The following ZRANB3 variants were observed in gnomAD, a reference collection of about 807,000 sequenced individuals.
ZRANB3 encodes zinc finger RANBP2-type containing 3, also known as DNA annealing helicase and endonuclease ZRANB3.
Under a neutral mutation model 133.8 loss-of-function variants are expected in ZRANB3, and 125 were observed. That is an observed-to-expected ratio of 0.93 (90% CI 0.81 to 1.08). The LOEUF is 1.08. Among genes scored for constraint, ZRANB3 ranks in the 50% least tolerant of loss-of-function variants. The pLI is 0.00. For synonymous variants in ZRANB3, 387 were observed against 432.7 expected (o/e 0.89, Z 1.31); for missense variants, 1,229 against 1,275.5 (o/e 0.96, Z 0.56).
intron 2 of ZRANB3, among the ~76,000 whole-genome samples, chr2:135,480,100 A>AT (rs371237620): frequency 0.048 from 6,780 of 141,484 alleles, 489 homozygotes; most frequent in African/African-American, 0.16. Context: ...TGTCAGGCTA[A>AT]TTTTTTTTTT....
At position 135,252,033 on chromosome 2, in the gene ZRANB3, C is replaced by CA. The variant is rs561312139; in HGVS notation, c.1539+13500dup. ...CTGGCGACAGAGCAGGATTCCGTCT[C>CA]AAAAAAACAAAAGAAACAAACAAAC... On this transcript the variant is annotated intron_variant, in intron 12 of 20. Transcript: ENST00000264159. 1.2e-4 allele frequency among the ~76,000 whole-genome samples: 19 copies of CA among 152,052 alleles called. No homozygotes were observed. The South Asian group carries it at 3.3e-3, about 27-fold the overall frequency.
At chr2:135,490,182 T>C (rs1040838508) in intron 2 of ZRANB3, among the ~76,000 whole-genome samples, 5 of 152,196 alleles carry the variant, frequency 3.3e-5, no homozygotes, top group African/African-American at 1.2e-4. Flanking sequence ...GAGGAATTTC[T>C]TACCCCACAG....
At chr2:135,461,265 C>T (rs1393690690) in intron 2 of ZRANB3, among the ~76,000 whole-genome samples, 11 of 152,084 alleles carry the variant, frequency 7.2e-5, no homozygotes, top group Admixed American at 7.2e-4. Flanking sequence ...AAGTGATAAA[C>T]AACATGCCTT....
chr2:135,395,827 T>A (rs1252742241), intron 2 of ZRANB3, among the ~76,000 whole-genome samples: 2 of 151,960 alleles, frequency 1.3e-5, no homozygotes, highest in African/African-American at 4.8e-5. Context: ...TGGGATCACA[T>A]CAAGTTAAAA....
chr2:135,399,927 G>T (rs993054665), intron 2 of ZRANB3, among the ~76,000 whole-genome samples: 1 of 152,074 alleles, frequency 6.6e-6, no homozygotes, highest in Non-Finnish European at 1.5e-5. Context: ...CTGAACTTAG[G>T]ACTTTGAATT....
At chr2:135,513,668 A>C (rs1693573971) in intron 1 of ZRANB3, among the ~76,000 whole-genome samples, 1 of 152,180 alleles carries the variant, frequency 6.6e-6, no homozygotes, top group Admixed American at 6.5e-5. Context: ...TTAGACAACA[A>C]CACTAAAAGC....
chr2:135,230,928 C>A lies in ZRANB3; in HGVS notation c.1540-1G>T. Reference sequence around the variant, plus strand: ...TATCATGCTGTTTTTCTTTTTCGAACTAGGAAAAGCAAACAGTAGTTATCA... The same window carrying A: ...TATCATGCTGTTTTTCTTTTTCGAAATAGGAAAAGCAAACAGTAGTTATCA... On this transcript the variant is annotated splice_acceptor_variant, in intron 12 of 20. Transcript: ENST00000264159. LOFTEE classifies it high-confidence loss of function. The A allele has an allele frequency of 6.5e-7, 1 of 1,538,030 alleles. No individual in the cohort carries two copies. The highest frequency in any genetic ancestry group is 8.7e-7 in the Non-Finnish European group (1 of 1,145,542).
At chr2:135,338,593 T>TA (rs1199647349) in intron 6 of ZRANB3, among the ~76,000 whole-genome samples, 1 of 152,218 alleles carries the variant, frequency 6.6e-6, no homozygotes. Context: ...ATATACATTT[T>TA]AAAAAATACA....
In ZRANB3 at chr2:135,383,123, G is replaced by A. The variant is rs186628860; in HGVS notation, c.180+7679C>T. 3.4e-4 allele frequency among the ~76,000 whole-genome samples: 51 copies of A among 152,162 alleles called. 1 individual carries two copies. In the East Asian group the frequency reaches 8.3e-3, roughly 25 times the overall value. ...CCATCTCAGTGCAGAGACTCACATA[G>A]GCTCAAAATAAAGGGATGGAGGAAG... On this transcript the variant is annotated intron_variant, in intron 3 of 20. Transcript: ENST00000264159.
intron 3 of ZRANB3, among the ~76,000 whole-genome samples, chr2:135,365,601 T>A (rs2104892591): frequency 6.6e-6 from 1 of 152,342 alleles, no homozygotes. Flanking sequence ...AACACTGAAT[T>A]TGTTGATCAC....
intron 2 of ZRANB3, among the ~76,000 whole-genome samples, chr2:135,412,173 A>AT (rs2104955598): frequency 6.6e-6 from 1 of 152,306 alleles, no homozygotes; most frequent in East Asian, 1.9e-4. Context: ...TATAGAGACT[A>AT]TAACAGAAAT....
chr2:135,483,576 A>G (rs189776039), intron 2 of ZRANB3, among the ~76,000 whole-genome samples: 2 of 152,066 alleles, frequency 1.3e-5, no homozygotes, highest in Admixed American at 6.5e-5. Flanking sequence ...TCCTGGATTC[A>G]TTAATTTTTT....
chr2:135,323,197 C>T (rs1242265085), intron 6 of ZRANB3, among the ~76,000 whole-genome samples: 1 of 152,088 alleles, frequency 6.6e-6, no homozygotes, highest in African/African-American at 2.4e-5. Flanking sequence ...TTTCCAACCA[C>T]ATAAGTTTAA....
chr2:135,232,878 T>A (rs866784822), intron 12 of ZRANB3, among the ~76,000 whole-genome samples: 2 of 152,036 alleles, frequency 1.3e-5, no homozygotes, highest in African/African-American at 4.8e-5. Flanking sequence ...ACTCTAAAAA[T>A]CAGGGTGCCT....
intron 2 of ZRANB3, among the ~76,000 whole-genome samples, chr2:135,409,990 CACAA>C (rs1558980075): frequency 6.6e-6 from 1 of 152,074 alleles, no homozygotes. Flanking sequence ...TCATAGATGA[CACAA>C]ACAAATGGAA....
intron 3 of ZRANB3, among the ~76,000 whole-genome samples, chr2:135,376,015 T>C (rs1415728559): frequency 1.3e-5 from 2 of 152,182 alleles, no homozygotes; most frequent in Non-Finnish European, 2.9e-5. Context: ...AATGAGGTCA[T>C]ATTAGAGTAA....
chr2:135,327,288 T>C (rs1039738131), intron 6 of ZRANB3, among the ~76,000 whole-genome samples: 3 of 152,084 alleles, frequency 2.0e-5, no homozygotes, highest in South Asian at 2.1e-4. Context: ...TTGGTTTAGA[T>C]TGGAGCATAA....
At chr2:135,458,504 T>A (rs1690626141) in intron 2 of ZRANB3, among the ~76,000 whole-genome samples, 1 of 152,112 alleles carries the variant, frequency 6.6e-6, no homozygotes, top group African/African-American at 2.4e-5. Flanking sequence ...AAAAAAGATG[T>A]TACATTTAGA....
At chr2:135,441,687 GC>G (rs1218840468) in intron 2 of ZRANB3, among the ~76,000 whole-genome samples, 1 of 151,834 alleles carries the variant, frequency 6.6e-6, no homozygotes, top group Non-Finnish European at 1.5e-5. Flanking sequence ...GAATGAAACG[GC>G]TATATTTTAC....
Sources: allele counts gnomAD v4.1 joint callset (sites outside exome capture counted in the v4.1 genomes callset), GRCh38; gene constraint gnomAD v4.1.1; transcripts MANE v1.5; gene names NCBI Gene and HGNC (gene_info 2026-07-23, HGNC 2026-07-21).